Variants in FAM83F observed in about 807,000 individuals in gnomAD.
FAM83F encodes scaffolding CK1 anchoring protein F, also known as protein FAM83F.
A neutral mutation model predicts 42.9 loss-of-function variants in FAM83F; 45 were observed. The ratio of observed to expected loss-of-function variants is 1.05; its 90% CI spans 0.83 to 1.35. FAM83F has a LOEUF of 1.35. FAM83F is among the 40% of genes most tolerant of loss of function. FAM83F has a pLI of 0.00. For missense variants in FAM83F, 617 were observed against 695.9 expected (o/e 0.89, Z 1.28); for synonymous variants, 306 against 298.3 (o/e 1.03, Z -0.27).
intron 1 of FAM83F, among the ~76,000 whole-genome samples, chr22:40,017,973 T>G (rs976074061): frequency 3.3e-5 from 5 of 151,976 alleles, no homozygotes. Context: ...ACACGCAGGG[T>G]GTTTGGGCCA....
At chr22:39,997,005 G>A (rs2067376010) in intron 1 of FAM83F, among the ~76,000 whole-genome samples, 1 of 152,216 alleles carries the variant, frequency 6.6e-6, no homozygotes, top group African/African-American at 2.4e-5. Context: ...GCCATCCACT[G>A]TGTTAATGAC....
intron 1 of FAM83F, among the ~76,000 whole-genome samples, chr22:40,015,566 G>A (rs12166778): frequency 1.3e-5 from 2 of 152,244 alleles, no homozygotes; most frequent in East Asian, 3.9e-4. Context: ...CTGGGCAGAC[G>A]CAGCTCCCAC....
Position 39,995,309 on chromosome 22 carries a change from C to T in FAM83F, c.267C>T (p.Ala89=). 6.5e-7 allele frequency: 1 copy of T among 1,537,692 alleles called. No homozygotes were observed. Among genetic ancestry groups the T allele is most frequent in the Non-Finnish European group, 8.7e-7 (1 of 1,145,690 alleles). ...CCAACGCCCGGGGCAAGAGCAAGGCCAAGGCCAAGGCCCCCGCGCCGGCGC... is the reference window on the plus strand; with the variant it reads ...CCAACGCCCGGGGCAAGAGCAAGGCTAAGGCCAAGGCCCCCGCGCCGGCGC... The part of the protein sequence containing the change: ...PAANARGKSK[A]KAKAPAPAPA... The change falls in exon 1 of 5, where the codon GCC becomes GCT. Residue 89 remains alanine, a synonymous_variant. Transcript: ENST00000333407. This position sits in a 1 kb window ranked among gnomAD's most constrained non-coding sequence, Gnocchi z 4.6.
Position 39,995,439 on chromosome 22 carries a change from A to T in FAM83F, c.397A>T (p.Ser133Cys). 6.4e-7 allele frequency: 1 copy of T among 1,558,352 alleles called. No homozygotes were observed. Among genetic ancestry groups the T allele is most frequent in the Non-Finnish European group, 8.7e-7 (1 of 1,151,160 alleles). The stretch of plus-strand genomic sequence containing the variant: ...GGACACTGGTTTCTACCGCGGCGTG[A>T]GCCGGGTCACGCTCTTCACCCACCC... ...WTDTGFYRGV[S>C]RVTLFTHPPK... Residue 133 changes from serine to cysteine, a missense_variant, in exon 1 of 5, where the codon AGC (serine) becomes TGC (cysteine). Physicochemically the swap from Ser to Cys is moderately radical, Grantham distance 112 (BLOSUM62 -1). Transcript: ENST00000333407. The surrounding 1 kb of genome is among the most constrained non-coding windows in gnomAD (Gnocchi z 4.6).
rs1190303774 is a variant in FAM83F, at chr22:40,023,555, G to T, written c.1453+1592G>T. 6.6e-6 allele frequency among the ~76,000 whole-genome samples: 1 copy of T among 152,130 alleles called. No homozygotes were observed. Among genetic ancestry groups the T allele is most frequent in the African/African-American group, 2.4e-5 (1 of 41,422 alleles). ...CTCTTCCTTCAGCCCCTCGCCCTGA[G>T]ATGCAGTTTCCATGGAAACTCAAAG... is the stretch of plus-strand genomic sequence containing the variant. On this transcript the variant is annotated intron_variant, in intron 4 of 4. Transcript: ENST00000333407. This position sits in a 1 kb window ranked among gnomAD's most constrained non-coding sequence, Gnocchi z 4.1.
intron 4 of FAM83F, among the ~76,000 whole-genome samples, chr22:40,025,541 T>C (rs2067547197): frequency 6.6e-6 from 1 of 152,034 alleles, no homozygotes; most frequent in Non-Finnish European, 1.5e-5. Context: ...GGTGAAACCC[T>C]GTCTCTACTG....
Position 39,994,984 on chromosome 22 carries a change from T to C in FAM83F, c.-59T>C. ...GCCCCTCGGCGGCTCCAGGTGCGGC[T>C]GTGGGACCTCGGACCGCGGCGGGGC... On this transcript the variant is annotated 5_prime_UTR_variant, in exon 1 of 5. Transcript: ENST00000333407. 3 of 1,214,420 alleles carry C rather than the reference T, an allele frequency of 2.5e-6. No homozygotes were observed. Among genetic ancestry groups the C allele is most frequent in the Non-Finnish European group, 3.1e-6 (3 of 980,012 alleles). 75.2% of individuals were successfully genotyped at this position (1,214,420 alleles called of 1,614,324 possible).
In FAM83F at chr22:40,036,860, G is replaced by C. The variant is rs1054624084; in HGVS notation, c.*7295G>C. The stretch of plus-strand genomic sequence containing the variant: ...GGCAGCATACGTCCTTCCTCCCCTA[G>C]GTCAGCTAGACGGCCAAAGCAGGGA... On this transcript the variant is annotated 3_prime_UTR_variant, in exon 5 of 5. Coordinates refer to ENST00000333407, the MANE Select transcript of FAM83F (RefSeq NM_138435.4). The C allele has an allele frequency of 6.6e-6, 1 of 152,206 alleles. No individual in the cohort carries two copies. Among genetic ancestry groups the C allele is most frequent in the African/African-American group, 2.4e-5 (1 of 41,440 alleles). 9.4% of individuals were successfully genotyped at this position (152,206 alleles called of 1,614,324 possible).
chr22:40,043,362 C>T lies in FAM83F; in HGVS notation c.*13797C>T, dbSNP rs2067661043. The T allele has an allele frequency of 6.6e-6, 1 of 152,142 alleles. No homozygotes were observed. Among genetic ancestry groups the T allele is most frequent in the Non-Finnish European group, 1.5e-5 (1 of 68,034 alleles). The allele number at this position is 152,142 out of a possible 1,614,324, so 9.4% of individuals were successfully genotyped here. On this transcript the variant is annotated 3_prime_UTR_variant, in exon 5 of 5. Transcript: ENST00000333407. ...TGGCAATGGGTCCTAAGCGTCCTGC[C>T]CTCCTCTGGCTGAAATGTTGGATTC...
chr22:40,000,972 C>T (rs2067398224), intron 1 of FAM83F, among the ~76,000 whole-genome samples: 1 of 152,214 alleles, frequency 6.6e-6, no homozygotes. Flanking sequence ...TTCAGAGGCA[C>T]TGGGCAGTTC....
intron 1 of FAM83F, among the ~76,000 whole-genome samples, chr22:40,015,695 A>G (rs899823421): frequency 6.6e-6 from 1 of 152,146 alleles, no homozygotes; most frequent in Non-Finnish European, 1.5e-5. Flanking sequence ...CCCGTCCTTC[A>G]CAGTTCAGCT....
At position 39,999,362 on chromosome 22, in the gene FAM83F, G is replaced by A. The variant is rs565449207; in HGVS notation, c.489+3831G>A. Among the ~76,000 whole-genome samples the A allele has an allele frequency of 8.5e-5, 13 of 152,262 alleles. No individual in the cohort carries two copies. In the East Asian group the frequency reaches 2.5e-3, roughly 29 times the overall value. ...CATCCAATTTTGAGGCTGCTGGGCG[G>A]ATTTAGAGAACGTTGCCTTGTGCTT... On this transcript the variant is annotated intron_variant, in intron 1 of 4. Coordinates refer to ENST00000333407, the MANE Select transcript of FAM83F (RefSeq NM_138435.4).
intron 1 of FAM83F, among the ~76,000 whole-genome samples, chr22:40,001,593 G>T (rs1422337356): frequency 6.6e-6 from 1 of 152,076 alleles, no homozygotes; most frequent in African/African-American, 2.4e-5. Flanking sequence ...GTTGCGGTGA[G>T]CAGAGATTTC....
intron 1 of FAM83F, among the ~76,000 whole-genome samples, chr22:40,006,709 T>C (rs975670834): frequency 6.6e-6 from 1 of 152,116 alleles, no homozygotes; most frequent in African/African-American, 2.4e-5. Flanking sequence ...TGGACGCACA[T>C]GAAGGGTCTG....
rs2067580750 is a variant in FAM83F at position 40,030,583 on chromosome 22, AG to A, written c.*1020del. 6.6e-6 allele frequency: 1 copy of A among 152,190 alleles called. No homozygotes were observed. Among genetic ancestry groups the A allele is most frequent in the Non-Finnish European group, 1.5e-5 (1 of 68,044 alleles). 9.4% of individuals were successfully genotyped at this position (152,190 alleles called of 1,614,324 possible). A position where few individuals can be genotyped will look rare whatever the true frequency, so the allele number is the denominator to read the frequency against. ...CTCCTGCGAGAGTCAGGCCATTTTT[AG>A]GAGCCTGTGCCTCGCCAGAGCAGGT... On this transcript the variant is annotated 3_prime_UTR_variant, in exon 5 of 5. Transcript: ENST00000333407.
In FAM83F at chr22:40,011,052, G is replaced by A. The variant is rs556771058; in HGVS notation, c.490-8116G>A. Among the ~76,000 whole-genome samples, 5 of 152,260 alleles carry A rather than the reference G, an allele frequency of 3.3e-5. No homozygotes were observed. The East Asian group carries it at 9.7e-4, about 29-fold the overall frequency. On this transcript the variant is annotated intron_variant, in intron 1 of 4. Transcript: ENST00000333407. Reference sequence around the variant, plus strand: ...CAATGCCACCAGAGAGCCTTGAAAGGCCTCATACTTTACCTTTCTCCTTCC... The same window carrying A: ...CAATGCCACCAGAGAGCCTTGAAAGACCTCATACTTTACCTTTCTCCTTCC...
intron 4 of FAM83F, among the ~76,000 whole-genome samples, chr22:40,027,476 C>T (rs772840824): frequency 5.3e-5 from 8 of 152,182 alleles, no homozygotes; most frequent in Non-Finnish European, 1.0e-4. Context: ...CACCCGTTTT[C>T]AGCTCCACCT....
chr22:40,020,127 A>G, intron 3 of FAM83F, 119 bp downstream of exon 3: 1 of 1,397,500 alleles, frequency 7.2e-7, no homozygotes, highest in South Asian at 1.5e-5. Flanking sequence ...ATCTGACGCA[A>G]TAGCAAAGGA....
intron 4 of FAM83F, among the ~76,000 whole-genome samples, chr22:40,026,287 T>C (rs757506029): frequency 2.6e-5 from 4 of 152,020 alleles, no homozygotes; most frequent in Non-Finnish European, 5.9e-5. Context: ...TTTGGAGGCC[T>C]AGGTGGGCAG....
Sources: allele counts gnomAD v4.1 joint callset (sites outside exome capture counted in the v4.1 genomes callset), GRCh38; gene constraint gnomAD v4.1.1; non-coding constraint Gnocchi (gnomAD v3.1); transcripts MANE v1.5; gene names NCBI Gene and HGNC (gene_info 2026-07-23, HGNC 2026-07-21).